DNAH6: variants seen among roughly 807,000 people sequenced by gnomAD.
DNAH6 encodes the protein dynein axonemal heavy chain 6.
A neutral mutation model predicts 491.4 loss-of-function variants in DNAH6; 340 were observed. The ratio of observed to expected loss-of-function variants is 0.69; its 90% CI spans 0.63 to 0.76. The LOEUF is 0.76. Among genes scored for constraint, DNAH6 ranks in the 30% least tolerant of loss-of-function variants. DNAH6 has a pLI of 0.00. For missense variants in DNAH6, 4,443 were observed against 4,972.2 expected, an observed-to-expected ratio of 0.89 and a Z score of 3.20; for synonymous variants, 1,603 against 1,686.1, an observed-to-expected ratio of 0.95 and a Z score of 1.21.
At chr2:84,806,714 C>T (rs968302083) in intron 71 of DNAH6, among the ~76,000 whole-genome samples, 2 of 149,840 alleles carry the variant, frequency 1.3e-5, no homozygotes, top group Admixed American at 1.3e-4. Flanking sequence ...TAGATGTCTT[C>T]ATTATTCATG....
intron 2 of DNAH6, among the ~76,000 whole-genome samples, chr2:84,524,389 G>GT (rs917286637): frequency 6.6e-6 from 1 of 151,662 alleles, no homozygotes; most frequent in African/African-American, 2.4e-5. Context: ...ATTGGGTCTT[G>GT]TTTTTTTAAT....
chr2:84,645,523 T>C (rs879851382), intron 33 of DNAH6, among the ~76,000 whole-genome samples: 5 of 149,376 alleles, frequency 3.3e-5, no homozygotes, highest in Non-Finnish European at 5.9e-5. Flanking sequence ...TTGAGCTTTT[T>C]TTCATATGTT....
chr2:84,785,594 T>G lies in DNAH6; in HGVS notation c.10954-16T>G. On this transcript the variant is annotated splice_polypyrimidine_tract_variant and intron_variant, in intron 66 of 76. Coordinates refer to ENST00000389394, the MANE Select transcript of DNAH6 (RefSeq NM_001370.2). ...AAAATCACTCTCTCTGCCACATATATTCTATCTAAATCCAGGTGACCAATG... is the reference window on the plus strand; with the variant it reads ...AAAATCACTCTCTCTGCCACATATAGTCTATCTAAATCCAGGTGACCAATG... 6.6e-7 allele frequency: 1 copy of G among 1,515,354 alleles called. No individual in the cohort carries two copies. The highest frequency in any genetic ancestry group is 1.4e-5 in the African/African-American group (1 of 70,844). 93.9% of individuals were successfully genotyped at this position (1,515,354 alleles called of 1,614,324 possible).
intron 15 of DNAH6, 30 bp from the exon 16 acceptor site, chr2:84,588,796 G>A: frequency 1.3e-6 from 2 of 1,492,420 alleles, no homozygotes; most frequent in East Asian, 2.6e-5. Flanking sequence ...AAGCAGGAAT[G>A]GCTAACCAAA....
chr2:84,630,236 C>T (rs974086944), intron 29 of DNAH6, among the ~76,000 whole-genome samples: 1 of 152,150 alleles, frequency 6.6e-6, no homozygotes, highest in Admixed American at 6.5e-5. Context: ...AACAATATAT[C>T]TAGCAATGGC....
In DNAH6 at chr2:84,694,431, T is replaced by G. The variant is rs1325708141; in HGVS notation, c.7475T>G (p.Met2492Arg). The change falls in exon 46 of 77, where the codon ATG (methionine) becomes AGG (arginine). Residue 2492 changes from methionine to arginine, a missense_variant. Physicochemically the swap from Met to Arg is moderately conservative, Grantham distance 91. This residue lies in a region of DNAH6 where 2,977 missense variants were observed against 3,296.6 expected (regional missense o/e 0.90). Coordinates refer to ENST00000389394, the MANE Select transcript of DNAH6 (RefSeq NM_001370.2). The part of the protein sequence containing the change: ...FHEDLRKLYK[M>R]AGVEDKNMVF... ...GAAGACCTGAGGAAGTTGTACAAAA[T>G]GGCTGGTGTAGAAGACAAGAATATG... 6.4e-7 allele frequency: 1 copy of G among 1,552,000 alleles called. No homozygotes were observed. Among genetic ancestry groups the G allele is most frequent in the Non-Finnish European group, 8.7e-7 (1 of 1,147,092 alleles).
intron 45 of DNAH6, among the ~76,000 whole-genome samples, chr2:84,691,623 C>T (rs1443080304): frequency 6.9e-6 from 1 of 144,362 alleles, no homozygotes; most frequent in East Asian, 1.9e-4. Context: ...ATCTGCAGAT[C>T]ATACTGTAAC....
At chr2:84,492,010 G>A in the DNAH6 span, among the ~76,000 whole-genome samples, 1 of 152,148 alleles carries the variant, frequency 6.6e-6, no homozygotes, top group Non-Finnish European at 1.5e-5. Context: ...CTGCTCAGAA[G>A]GTGGAGGTCT....
intron 68 of DNAH6, among the ~76,000 whole-genome samples, chr2:84,789,913 A>G (rs556201023): frequency 2.0e-5 from 3 of 152,348 alleles, no homozygotes; most frequent in African/African-American, 7.2e-5. Flanking sequence ...TTCGGTTAAT[A>G]TAAAAAAAGA....
chr2:84,621,231 A>G lies in DNAH6; in HGVS notation c.3833A>G (p.Glu1278Gly), dbSNP rs758752524. The change falls in exon 25 of 77, where the codon GAG (glutamate) becomes GGG (glycine). Residue 1278 changes from glutamate to glycine, a missense_variant. Physicochemically the swap from Glu to Gly is moderately conservative, Grantham distance 98 (BLOSUM62 -2). Around this residue, in one of 3 missense-constraint regions of DNAH6, gnomAD observed 2,977 missense variants for 3,296.6 expected, o/e 0.90. Transcript: ENST00000389394. ...GGCCTCAAGGCCCGAGGCAATGTAG[A>G]GGAATGGCTTGGTAAAGTGGAAGAA... ...GKGLKARGNV[E>G]EWLGKVEEAM... 1 of 1,551,666 alleles carries G rather than the reference A, an allele frequency of 6.4e-7. No individual in the cohort carries two copies. The highest frequency in any genetic ancestry group is 8.7e-7 in the Non-Finnish European group (1 of 1,146,904).
At chr2:84,480,849 G>A in the DNAH6 span, among the ~76,000 whole-genome samples, 2 of 152,094 alleles carry the variant, frequency 1.3e-5, no homozygotes, top group African/African-American at 2.4e-5. Flanking sequence ...TGTAATCCCA[G>A]CTACTGGAGA....
At chr2:84,646,851 TTTTG>T (rs537429739) in intron 33 of DNAH6, among the ~76,000 whole-genome samples, 40 of 152,294 alleles carry the variant, frequency 2.6e-4, no homozygotes, top group African/African-American at 9.1e-4. Context: ...AAAGTCATTT[TTTTG>T]TTTGTTTGCT....
In DNAH6 at chr2:84,701,264, G is replaced by A. The variant is rs371105811; in HGVS notation, c.7986G>A (p.Thr2662=). 119 of 1,551,660 alleles carry A rather than the reference G, an allele frequency of 7.7e-5. No individual in the cohort carries two copies. The highest frequency in any genetic ancestry group is 1.7e-4 in the Middle Eastern group (1 of 6,016). Residue 2662 remains threonine (T), a synonymous_variant, in exon 49 of 77, where the codon ACG becomes ACA. Transcript: ENST00000389394. ...ATGAGCTGCGCAGGCGGTACTACACGACACCCACCTCCTACCTGGAGCTTA... is the reference window on the plus strand; with the variant it reads ...ATGAGCTGCGCAGGCGGTACTACACAACACCCACCTCCTACCTGGAGCTTA... ...YYNELRRRYY[T]TPTSYLELIN... is the part of the protein sequence containing the mutation.
At chr2:84,722,181 G>A (rs1698224417) in intron 59 of DNAH6, among the ~76,000 whole-genome samples, 1 of 152,192 alleles carries the variant, frequency 6.6e-6, no homozygotes, top group East Asian at 1.9e-4. Context: ...GGAGGGATGT[G>A]GTGCCACTGC....
intron 4 of DNAH6, among the ~76,000 whole-genome samples, chr2:84,533,047 A>G (rs530966847): frequency 6.6e-5 from 10 of 152,218 alleles, no homozygotes; most frequent in East Asian, 1.9e-4. Context: ...CTAAAAACCT[A>G]TAGAAGAGTT....
At chr2:84,588,420 T>C (rs1301353837) in intron 15 of DNAH6, among the ~76,000 whole-genome samples, 1 of 152,252 alleles carries the variant, frequency 6.6e-6, no homozygotes, top group African/African-American at 2.4e-5. Flanking sequence ...TCATTTTCTC[T>C]CTTCTGTCAT....
intron 55 of DNAH6, 45 bp downstream of exon 55, chr2:84,709,591 T>A: frequency 1.3e-6 from 2 of 1,540,058 alleles, no homozygotes; most frequent in Non-Finnish European, 1.8e-6. Flanking sequence ...TTCTGCTTAA[T>A]GTTGAGCTAG....
At chr2:84,707,081 G>A (rs1696535714) in intron 53 of DNAH6, 62 bp downstream of exon 53, 2 of 1,468,968 alleles carry the variant, frequency 1.4e-6, no homozygotes, top group Middle Eastern at 4.9e-4. Context: ...GTAGGAAGAA[G>A]TTTTTGGCAA....
the DNAH6 span, among the ~76,000 whole-genome samples, chr2:84,504,309 C>G: frequency 1.3e-5 from 2 of 152,040 alleles, no homozygotes; most frequent in African/African-American, 4.8e-5. Context: ...TGAATTCTTT[C>G]TCTCTGTTAT....
Sources: allele counts gnomAD v4.1 joint callset (sites outside exome capture counted in the v4.1 genomes callset), GRCh38; gene constraint gnomAD v4.1.1; regional missense constraint gnomAD v4.1.1; transcripts MANE v1.5; gene names NCBI Gene and HGNC (gene_info 2026-07-23, HGNC 2026-07-21).